Variants in ZNF892 observed in about 807,000 individuals in gnomAD.
ZNF892 encodes zinc finger protein 892, also known as zinc finger protein 570-like.
chr2:95,247,171 T>C, the ZNF892 span, among the ~76,000 whole-genome samples: 6 of 151,942 alleles, frequency 3.9e-5, no homozygotes, highest in Admixed American at 1.3e-4. Context: ...CATAGACCAA[T>C]GGAACAGAAT....
the ZNF892 span, among the ~76,000 whole-genome samples, chr2:95,240,499 A>G: frequency 2.6e-5 from 4 of 152,208 alleles, no homozygotes; most frequent in East Asian, 3.9e-4. Flanking sequence ...CTAGGGTCCA[A>G]TACACAAAGC....
chr2:95,233,491 G>A, the ZNF892 span, among the ~76,000 whole-genome samples: 2 of 151,114 alleles, frequency 1.3e-5, no homozygotes, highest in African/African-American at 4.9e-5. Context: ...GGCTAACACG[G>A]TGAAACCGCA....
the ZNF892 span, among the ~76,000 whole-genome samples, chr2:95,228,863 C>T: frequency 6.6e-6 from 1 of 152,062 alleles, no homozygotes; most frequent in Non-Finnish European, 1.5e-5. Flanking sequence ...AAACCTGCCT[C>T]CCATTCTATT....
chr2:95,245,508 A>G, the ZNF892 span, among the ~76,000 whole-genome samples: 1 of 144,392 alleles, frequency 6.9e-6, no homozygotes, highest in Non-Finnish European at 1.5e-5. Flanking sequence ...TGACCTCGTG[A>G]TCCGCCCACC....
At chr2:95,235,376 T>C in the ZNF892 span, among the ~76,000 whole-genome samples, 5 of 151,530 alleles carry the variant, frequency 3.3e-5, no homozygotes, top group Non-Finnish European at 4.4e-5. Context: ...TTTTTTTTTT[T>C]TTTTGAGTCA....
At chr2:95,235,357 T>A in the ZNF892 span, among the ~76,000 whole-genome samples, 1 of 149,168 alleles carries the variant, frequency 6.7e-6, no homozygotes, top group African/African-American at 2.5e-5. Context: ...GATGTTCCAG[T>A]AAACTTTTTT....
the ZNF892 span, among the ~76,000 whole-genome samples, chr2:95,219,979 T>G: frequency 6.6e-6 from 1 of 152,182 alleles, no homozygotes; most frequent in African/African-American, 2.4e-5. Context: ...GTAACATCAT[T>G]ACTATTGGGA....
At chr2:95,253,038 C>T in the ZNF892 span, among the ~76,000 whole-genome samples, 2 of 152,218 alleles carry the variant, frequency 1.3e-5, no homozygotes, top group Non-Finnish European at 2.9e-5. Flanking sequence ...CTATAGGTTG[C>T]CTGTTCACTC....
At chr2:95,215,386 GA>G in the ZNF892 span, 2 of 448,394 alleles carry the variant, frequency 4.5e-6, no homozygotes, top group African/African-American at 2.0e-5. Flanking sequence ...AAAGATTGTG[GA>G]AAAGCATTCA....
At chr2:95,253,239 C>G in the ZNF892 span, among the ~76,000 whole-genome samples, 5 of 152,144 alleles carry the variant, frequency 3.3e-5, no homozygotes, top group Admixed American at 3.3e-4. Context: ...AGTCTTTAAT[C>G]CATCTTGAAT....
At chr2:95,242,352 GA>G in the ZNF892 span, among the ~76,000 whole-genome samples, 3 of 152,294 alleles carry the variant, frequency 2.0e-5, no homozygotes, top group African/African-American at 7.2e-5. Context: ...CATTCTTAAA[GA>G]AAAGAATTTC....
chr2:95,238,288 G>C, the ZNF892 span, among the ~76,000 whole-genome samples: 1 of 152,144 alleles, frequency 6.6e-6, no homozygotes, highest in Non-Finnish European at 1.5e-5. Context: ...GAAAATCCTA[G>C]GGCCCTTAAG....
chr2:95,207,847 G>T, the ZNF892 span: 1 of 398,610 alleles, frequency 2.5e-6, no homozygotes, highest in African/African-American at 2.1e-5. Flanking sequence ...GAGGATTTGG[G>T]AGTGATGCGG....
chr2:95,224,917 T>C, the ZNF892 span, among the ~76,000 whole-genome samples: 1 of 152,250 alleles, frequency 6.6e-6, no homozygotes, highest in African/African-American at 2.4e-5. Flanking sequence ...CTTGCTCCTC[T>C]ATTGCCCTCT....
chr2:95,246,025 C>A, the ZNF892 span, among the ~76,000 whole-genome samples: 1 of 152,206 alleles, frequency 6.6e-6, no homozygotes, highest in East Asian at 1.9e-4. Flanking sequence ...ATGAGGCCAG[C>A]ATTGTCCTGA....
At chr2:95,218,937 A>G in the ZNF892 span, among the ~76,000 whole-genome samples, 2 of 152,166 alleles carry the variant, frequency 1.3e-5, no homozygotes, top group African/African-American at 4.8e-5. Flanking sequence ...GGTGTCAACA[A>G]TGAATTGGGG....
chr2:95,208,527 C>A, the ZNF892 span: 1 of 396,638 alleles, frequency 2.5e-6, no homozygotes, highest in East Asian at 3.6e-5. Context: ...AGATATTATG[C>A]GATTTTCGTT....
the ZNF892 span, among the ~76,000 whole-genome samples, chr2:95,255,329 G>A: frequency 1.3e-5 from 2 of 151,998 alleles, no homozygotes; most frequent in African/African-American, 2.4e-5. Flanking sequence ...CCTTCATTTC[G>A]TTACATACCC....
the ZNF892 span, among the ~76,000 whole-genome samples, chr2:95,231,087 T>G: frequency 5.9e-5 from 9 of 152,224 alleles, no homozygotes; most frequent in Non-Finnish European, 1.0e-4. Context: ...TCCTGGATGT[T>G]TGCCCGAGAG....
Sources: gnomAD v4.1 joint callset for allele counts (sites outside exome capture counted in the v4.1 genomes callset) on GRCh38, gnomAD v4.1.1 for gene constraint, MANE v1.5 for transcripts, NCBI Gene and HGNC (gene_info 2026-07-23, HGNC 2026-07-21) for gene names.